MYO16: variants seen among roughly 807,000 people sequenced by gnomAD.
The protein encoded by MYO16 is myosin XVI, also known as unconventional myosin-XVI.
A neutral mutation model predicts 205.3 loss-of-function variants in MYO16; 94 were observed. The ratio of observed to expected loss-of-function variants is 0.46; its 90% confidence interval spans 0.39 to 0.54. MYO16 has a LOEUF of 0.54. MYO16 is among the 20% of genes least tolerant of loss of function. MYO16 has a pLI of 0.00. For synonymous variants in MYO16, 988 were observed against 954.0 expected (o/e 1.04, Z -0.66); for missense variants, 2,315 against 2,387.5 (o/e 0.97, Z 0.63).
intron 27 of MYO16, among the ~76,000 whole-genome samples, chr13:109,090,990 C>T (rs1888603370): frequency 6.6e-6 from 1 of 152,150 alleles, no homozygotes; most frequent in African/African-American, 2.4e-5. Context: ...TGTTGCTAGG[C>T]AGCTGTTATG....
At chr13:108,843,613 G>A (rs1047532238) in intron 9 of MYO16, among the ~76,000 whole-genome samples, 1 of 152,086 alleles carries the variant, frequency 6.6e-6, no homozygotes, top group Non-Finnish European at 1.5e-5. Flanking sequence ...TTAAATACAC[G>A]TGCATTTCTG....
At chr13:109,181,360 T>C (rs1879443104) in intron 34 of MYO16, among the ~76,000 whole-genome samples, 1 of 152,230 alleles carries the variant, frequency 6.6e-6, no homozygotes. Context: ...TATGTGAAAC[T>C]ATGTGTTGAA....
At chr13:108,754,513 GGC>G (rs1491283130) in intron 4 of MYO16, among the ~76,000 whole-genome samples, 1 of 147,738 alleles carries the variant, frequency 6.8e-6, no homozygotes, top group Non-Finnish European at 1.5e-5. Context: ...TACAGGTTTT[GGC>G]GTGTGTGTGT....
chr13:109,044,073 G>A (rs1279056959), intron 23 of MYO16, among the ~76,000 whole-genome samples: 19 of 152,030 alleles, frequency 1.2e-4, no homozygotes, highest in South Asian at 6.2e-4. Flanking sequence ...AAATGATACC[G>A]AATTACAGTC....
intron 19 of MYO16, among the ~76,000 whole-genome samples, chr13:108,964,462 AGGAGGGACCCTGTGAAGAACT>A (rs1043409288): frequency 2.0e-5 from 3 of 152,246 alleles, no homozygotes; most frequent in African/African-American, 7.2e-5. Flanking sequence ...AAGCCTTGCC[AGGAGGGACCCTGTGAAGAACT>A]GTTTCCCTAA....
At position 108,629,635 on chromosome 13, in the gene MYO16, G is replaced by C; in HGVS notation, c.-210G>C. 1.9e-6 allele frequency: 1 copy of C among 513,586 alleles called. No individual in the cohort carries two copies. Among genetic ancestry groups the C allele is most frequent in the Non-Finnish European group, 3.5e-6 (1 of 284,262 alleles). 31.8% of individuals were successfully genotyped at this position (513,586 alleles called of 1,614,324 possible). On this transcript the variant is annotated 5_prime_UTR_variant, in exon 1 of 35. Coordinates refer to ENST00000457511, the MANE Select transcript of MYO16 (RefSeq NM_001198950.3). The stretch of plus-strand genomic sequence containing the variant: ...CACCAGTGGTGCCTCAAGACCCACC[G>C]GGGAGAGGCTTATCTTAACTCCAGC...
intron 27 of MYO16, among the ~76,000 whole-genome samples, chr13:109,079,566 A>G (rs1324812342): frequency 6.6e-6 from 1 of 152,140 alleles, no homozygotes; most frequent in Non-Finnish European, 1.5e-5. Context: ...CTAAACATTG[A>G]GCACACATGG....
intron 1 of MYO16, among the ~76,000 whole-genome samples, chr13:108,661,805 G>A (rs1881514779): frequency 6.6e-6 from 1 of 151,958 alleles, no homozygotes; most frequent in South Asian, 2.1e-4. Context: ...ACTTCATCTT[G>A]GTTTGGATCC....
chr13:109,089,606 A>T (rs546674006), intron 27 of MYO16, among the ~76,000 whole-genome samples: 1 of 152,346 alleles, frequency 6.6e-6, no homozygotes, highest in East Asian at 1.9e-4. Flanking sequence ...AGGGAGGAAC[A>T]TCTATCATCC....
intron 9 of MYO16, among the ~76,000 whole-genome samples, chr13:108,826,838 A>G (rs573704171): frequency 2.0e-5 from 3 of 152,258 alleles, no homozygotes; most frequent in South Asian, 2.1e-4. Context: ...ACCACTTTAT[A>G]CTTCCTAGAA....
In MYO16 at chr13:109,127,220, A is replaced by G. The variant is rs983541599; in HGVS notation, c.3783-62A>G. ...TGTCTGCTTGAGCAGGTTCCTTGTT[A>G]CCGGAATAATGCATCTGGGCCTCTC... On this transcript the variant is annotated intron_variant, in intron 30 of 34. Coordinates refer to ENST00000457511, the MANE Select transcript of MYO16 (RefSeq NM_001198950.3). This position sits in a 1 kb window ranked among gnomAD's most constrained non-coding sequence, Gnocchi z 4.2. The G allele has an allele frequency of 6.7e-7, 1 of 1,501,288 alleles. No individual in the cohort carries two copies. Among genetic ancestry groups the G allele is most frequent in the Non-Finnish European group, 8.9e-7 (1 of 1,123,626 alleles). The allele number at this position is 1,501,288 out of a possible 1,614,324, so 93.0% of individuals were successfully genotyped here. A position where few individuals can be genotyped will look rare whatever the true frequency, so the allele number is the denominator to read the frequency against.
intron 4 of MYO16, among the ~76,000 whole-genome samples, chr13:108,731,825 T>G (rs2139593032): frequency 6.6e-6 from 1 of 152,330 alleles, no homozygotes; most frequent in Admixed American, 6.5e-5. Flanking sequence ...ATTTACTAAA[T>G]ATTTATTGAA....
chr13:109,189,476 A>T (rs960593080), intron 34 of MYO16, among the ~76,000 whole-genome samples: 4 of 152,238 alleles, frequency 2.6e-5, no homozygotes, highest in Non-Finnish European at 5.9e-5. Context: ...GGATATTTTT[A>T]AAATTCCATT....
intron 23 of MYO16, among the ~76,000 whole-genome samples, chr13:109,035,572 T>A (rs1233708144): frequency 6.6e-6 from 1 of 152,146 alleles, no homozygotes; most frequent in East Asian, 1.9e-4. Flanking sequence ...CAATCCCAGC[T>A]ACTCAGGAGG....
chr13:109,100,977 C>A, intron 28 of MYO16, 90 bp downstream of exon 28: 1 of 1,128,344 alleles, frequency 8.9e-7, no homozygotes, highest in Non-Finnish European at 1.3e-6. Flanking sequence ...ATCTTCCTGG[C>A]AAAAACAAAT....
the MYO16 span, among the ~76,000 whole-genome samples, chr13:108,522,326 G>A: frequency 7.9e-5 from 12 of 152,298 alleles, no homozygotes; most frequent in Middle Eastern, 3.4e-3. Context: ...TGAACAAATA[G>A]CTATATAACT....
chr13:109,023,337 A>G (rs1468893102), intron 23 of MYO16, among the ~76,000 whole-genome samples: 1 of 62,328 alleles, frequency 1.6e-5, no homozygotes, highest in Non-Finnish European at 2.8e-5. Flanking sequence ...AGATATAAAT[A>G]TATATTTATA....
At chr13:108,858,169 C>T (rs196157) in intron 11 of MYO16, among the ~76,000 whole-genome samples, 21,515 of 152,118 alleles carry the variant, frequency 0.14, 1,680 homozygotes, top group East Asian at 0.28. Flanking sequence ...AGTGTTTTTA[C>T]AGAAACTCTT....
chr13:108,744,277 GT>G (rs112967782), intron 4 of MYO16, among the ~76,000 whole-genome samples: 72,771 of 151,840 alleles, frequency 0.48, 18,054 homozygotes, highest in Middle Eastern at 0.62. Flanking sequence ...TTAAAGAGGT[GT>G]TTATTATCCT....
Sources: allele counts gnomAD v4.1 joint callset (sites outside exome capture counted in the v4.1 genomes callset), GRCh38; gene constraint gnomAD v4.1.1; non-coding constraint Gnocchi (gnomAD v3.1); transcripts MANE v1.5; gene names NCBI Gene and HGNC (gene_info 2026-07-23, HGNC 2026-07-21).